Variants in FYCO1 observed in about 807,000 individuals in gnomAD.
FYCO1 encodes FYVE and coiled-coil domain-containing protein 1.
A neutral mutation model predicts 165.1 loss-of-function variants in FYCO1; 122 were observed. The ratio of observed to expected loss-of-function variants is 0.74; its 90% CI spans 0.64 to 0.86. The LOEUF (loss-of-function observed/expected upper bound fraction) is 0.86. FYCO1 is among the 40% of genes least tolerant of loss of function. The pLI is 0.00. For missense variants in FYCO1, 1,702 were observed against 1,810.3 expected, an observed-to-expected ratio of 0.94 and a Z score of 1.09; for synonymous variants, 648 against 742.5, an observed-to-expected ratio of 0.87 and a Z score of 2.07.
intron 1 of FYCO1, among the ~76,000 whole-genome samples, chr3:45,989,650 C>G (rs758013020): frequency 8.5e-5 from 13 of 152,256 alleles, no homozygotes; most frequent in Non-Finnish European, 1.5e-4. Context: ...GTCATCTTCT[C>G]TCTTTCATAA....
intron 1 of FYCO1, among the ~76,000 whole-genome samples, chr3:45,988,521 C>T (rs760545008): frequency 3.9e-5 from 6 of 152,206 alleles, no homozygotes; most frequent in Admixed American, 2.0e-4. Flanking sequence ...CCAGCACCAG[C>T]GTAAGGACTC....
At chr3:45,957,658 A>G (rs186821465) in intron 13 of FYCO1, among the ~76,000 whole-genome samples, 95 of 152,384 alleles carry the variant, frequency 6.2e-4, no homozygotes, top group Non-Finnish European at 9.4e-4. Flanking sequence ...TTTGTACCCA[A>G]CAACATAATG....
intron 1 of FYCO1, among the ~76,000 whole-genome samples, chr3:45,988,409 C>A (rs1193394268): frequency 6.6e-6 from 1 of 152,186 alleles, no homozygotes; most frequent in Non-Finnish European, 1.5e-5. Flanking sequence ...ATCACAGACT[C>A]CTGGCATGAA....
intron 14 of FYCO1, among the ~76,000 whole-genome samples, chr3:45,938,537 A>C (rs1488342388): frequency 1.3e-5 from 2 of 152,234 alleles, no homozygotes; most frequent in Non-Finnish European, 2.9e-5. Flanking sequence ...CTCTGTTGCC[A>C]GGCTGGAGTG....
intron 4 of FYCO1, among the ~76,000 whole-genome samples, chr3:45,977,352 TA>T (rs1215781881): frequency 1.9e-3 from 2 of 1,036 alleles, no homozygotes; most frequent in South Asian, 0.013. Context: ...CTGAATTAAA[TA>T]TATATATATA....
At chr3:45,942,463 G>A (rs906568915) in intron 14 of FYCO1, among the ~76,000 whole-genome samples, 2 of 152,198 alleles carry the variant, frequency 1.3e-5, no homozygotes, top group Non-Finnish European at 2.9e-5. Flanking sequence ...TTGCCTAGCA[G>A]GTGGGAGAGA....
At chr3:45,982,326 C>T (rs1363051623) in intron 2 of FYCO1, among the ~76,000 whole-genome samples, 1 of 151,798 alleles carries the variant, frequency 6.6e-6, no homozygotes, top group Admixed American at 6.6e-5. Flanking sequence ...AAAAAAAGTA[C>T]AATTTAGAAT....
Position 45,968,512 on chromosome 3 carries a change from C to T in FYCO1, c.822G>A (p.Leu274=). 6.2e-7 allele frequency: 1 copy of T among 1,614,080 alleles called. No individual in the cohort carries two copies. Among genetic ancestry groups the T allele is most frequent in the East Asian group, 2.2e-5 (1 of 44,880 alleles). Residue 274 remains leucine, a synonymous_variant, in exon 8 of 18, where the codon CTG becomes CTA. Coordinates refer to ENST00000296137, the MANE Select transcript of FYCO1 (RefSeq NM_024513.4). ...RAAVSQQGEQ[L]QTERERGRTA... ...TGCGCCCCCTCTCCCTCTCTGTCTG[C>T]AGTTGCTCCCCTTGCTGGCTGACAG...
chr3:45,991,577 C>T (rs1707562929), intron 1 of FYCO1, among the ~76,000 whole-genome samples: 1 of 152,194 alleles, frequency 6.6e-6, no homozygotes, highest in Non-Finnish European at 1.5e-5. Context: ...CCCTGCCCAG[C>T]TCATGCTCCC....
Position 45,931,149 on chromosome 3 carries a change from G to T in FYCO1, c.4173C>A (p.Val1391=), listed in dbSNP as rs1703589984. The change falls in exon 16 of 18, where the codon GTC becomes GTA. Residue 1391 remains valine (V), a synonymous_variant. Transcript: ENST00000296137. ...VAEAGLTISW[V]FSSDPKSISF... ...AGATGCTCTTGGGGTCAGAGGAGAA[G>T]ACCCAGCTGATGGTGAGGCCTGCCT... 4 of 1,613,894 alleles carry T rather than the reference G, an allele frequency of 2.5e-6. No homozygotes were observed. The highest frequency in any genetic ancestry group is 3.4e-6 in the Non-Finnish European group (4 of 1,179,948).
chr3:45,951,485 C>G (rs1994488), intron 14 of FYCO1, among the ~76,000 whole-genome samples: 57,396 of 151,974 alleles, frequency 0.38, 11,766 homozygotes, highest in East Asian at 0.66. Flanking sequence ...GAGGCCATGA[C>G]TGGGTAGAGG....
At chr3:45,977,350 AATATATATATATATATATATATATAT>A (rs57543574) in intron 4 of FYCO1, among the ~76,000 whole-genome samples, 5,368 of 112,572 alleles carry the variant, frequency 0.048, 317 homozygotes, top group East Asian at 0.2. Flanking sequence ...AACTGAATTA[AATATATATATATATATATATATATAT>A]ATATATATAT....
chr3:45,959,266 C>T, intron 12 of FYCO1, 127 bp downstream of exon 12: 3 of 1,060,498 alleles, frequency 2.8e-6, no homozygotes, highest in Middle Eastern at 5.5e-4. Flanking sequence ...AGCCAAAACG[C>T]AATGTGCTCT....
intron 1 of FYCO1, among the ~76,000 whole-genome samples, chr3:45,989,877 G>A (rs575912100): frequency 6.6e-6 from 1 of 152,280 alleles, no homozygotes; most frequent in East Asian, 1.9e-4. Context: ...GAGGTGGGCA[G>A]TTGCTCAAGG....
At position 45,967,328 on chromosome 3, in the gene FYCO1, C is replaced by T. The variant is rs141155944; in HGVS notation, c.2006G>A (p.Ser669Asn). 1,942 of 1,611,252 alleles carry T rather than the reference C, an allele frequency of 1.2e-3. 4 individuals carry two copies. The highest frequency in any genetic ancestry group is 8.6e-3 in the Middle Eastern group (52 of 6,046). Residue 669 changes from serine to asparagine, a missense_variant, in exon 8 of 18, where the codon AGC becomes AAC. Coordinates refer to ENST00000296137, the MANE Select transcript of FYCO1 (RefSeq NM_024513.4). ...CATCTGGTCACCCAAGTGCCGGATG[C>T]TGGCCTGCTCGGCCTCCAGGGAGGC... ...SLASLEAEQA[S>N]IRHLGDQMEA... is the part of the protein sequence containing the mutation.
At chr3:45,992,266 T>C (rs1239905884) in intron 1 of FYCO1, among the ~76,000 whole-genome samples, 1 of 152,178 alleles carries the variant, frequency 6.6e-6, no homozygotes, top group African/African-American at 2.4e-5. Context: ...GCCTGGGTTC[T>C]GTTGCACTTC....
intron 15 of FYCO1, among the ~76,000 whole-genome samples, chr3:45,935,890 TA>T (rs1171586277): frequency 1.3e-5 from 2 of 152,226 alleles, no homozygotes; most frequent in Non-Finnish European, 2.9e-5. Flanking sequence ...TGACTGAATC[TA>T]TTTAATGACA....
In FYCO1 at chr3:45,966,741, G is replaced by T; in HGVS notation, c.2593C>A (p.Gln865Lys). ...AGGGCCCGCAGCTCCTCCTCCCTCT[G>T]CTGGGCCTCATCGGCCCTCTCCTCC... is the stretch of plus-strand genomic sequence containing the variant. The part of the protein sequence containing the change: ...LQEERADEAQ[Q>K]REEELRALQE... Residue 865 changes from glutamine to lysine, a missense_variant, in exon 8 of 18, where the codon CAG becomes AAG. Transcript: ENST00000296137. The T allele has an allele frequency of 6.2e-7, 1 of 1,611,448 alleles. No homozygotes were observed. The highest frequency in any genetic ancestry group is 8.5e-7 in the Non-Finnish European group (1 of 1,179,958).
Position 45,966,564 on chromosome 3 carries a change from C to T in FYCO1, c.2770G>A (p.Glu924Lys). Residue 924 changes from glutamate to lysine, a missense_variant, in exon 8 of 18, where the codon GAG becomes AAG. Coordinates refer to ENST00000296137, the MANE Select transcript of FYCO1 (RefSeq NM_024513.4). ...TCCTGGACAGCACAGGCCAGTGCCTCCTCCACTCGCTCCTTTTCCACGGTC... is the reference window on the plus strand; with the variant it reads ...TCCTGGACAGCACAGGCCAGTGCCTTCTCCACTCGCTCCTTTTCCACGGTC... The part of the protein sequence containing the change: ...ALTVEKERVE[E>K]ALACAVQELQ... The T allele has an allele frequency of 1.2e-6, 2 of 1,614,220 alleles. No individual in the cohort carries two copies. Among genetic ancestry groups the T allele is most frequent in the Non-Finnish European group, 1.7e-6 (2 of 1,180,042 alleles).
Sources: allele counts gnomAD v4.1 joint callset (sites outside exome capture counted in the v4.1 genomes callset), GRCh38; gene constraint gnomAD v4.1.1; transcripts MANE v1.5; gene names NCBI Gene and HGNC (gene_info 2026-07-23, HGNC 2026-07-21).